The following TFPI variants were observed in gnomAD, a reference collection of about 807,000 sequenced individuals.
TFPI encodes tissue factor pathway inhibitor, also known as anti-convertin.
A neutral mutation model predicts 34.6 loss-of-function variants in TFPI; 15 were observed. The observed-to-expected ratio is 0.43, with a 90% CI of 0.29 to 0.67. TFPI has a LOEUF of 0.67. Ranked by LOEUF, TFPI falls within the 30% of genes least tolerant of loss-of-function variation. The probability of loss-of-function intolerance (pLI) is 0.15; values close to 1 mark genes in which losing one functional copy is unlikely to be tolerated. For synonymous variants in TFPI, 105 were observed against 120.1 expected, an observed-to-expected ratio of 0.87 and a Z score of 0.82; for missense variants, 301 against 364.0, an observed-to-expected ratio of 0.83 and a Z score of 1.41.
intron 1 of TFPI, among the ~76,000 whole-genome samples, chr2:187,522,261 CAT>C (rs376451772): frequency 8.9e-4 from 135 of 152,140 alleles, no homozygotes; most frequent in East Asian, 8.7e-3. Flanking sequence ...CTTTTGGTCT[CAT>C]ATTCAAAAAA....
chr2:187,501,594 G>A (rs750821438), intron 2 of TFPI, among the ~76,000 whole-genome samples: 18 of 151,880 alleles, frequency 1.2e-4, no homozygotes, highest in Non-Finnish European at 2.5e-4. Context: ...AAAAATCATA[G>A]GAAATTAGTT....
At chr2:187,469,674 T>G (rs8176583) in intron 6 of TFPI, among the ~76,000 whole-genome samples, 49,520 of 151,938 alleles carry the variant, frequency 0.33, 8,380 homozygotes, top group African/African-American at 0.4. Flanking sequence ...AACTGTCATC[T>G]TCATGTTGTA....
chr2:187,491,417 C>T (rs189636461), intron 3 of TFPI, among the ~76,000 whole-genome samples: 42 of 151,922 alleles, frequency 2.8e-4, no homozygotes, highest in Non-Finnish European at 5.3e-4. Context: ...ACTATTTACC[C>T]CCCACTTATA....
intron 1 of TFPI, among the ~76,000 whole-genome samples, chr2:187,511,770 T>C (rs1686652513): frequency 6.6e-6 from 1 of 151,492 alleles, no homozygotes; most frequent in Non-Finnish European, 1.5e-5. Flanking sequence ...CTCACAGTGG[T>C]TGAGAGAACA....
chr2:187,539,899 CTTT>C (rs527567767), intron 1 of TFPI, among the ~76,000 whole-genome samples: 9 of 137,874 alleles, frequency 6.5e-5, no homozygotes, highest in Admixed American at 2.9e-4. Flanking sequence ...ACGTCATCTT[CTTT>C]TTTTTTTTTT....
At chr2:187,541,300 CA>C (rs1688570715) in intron 1 of TFPI, among the ~76,000 whole-genome samples, 1 of 152,068 alleles carries the variant, frequency 6.6e-6, no homozygotes, top group African/African-American at 2.4e-5. Flanking sequence ...AAAGTAAATT[CA>C]AGAGACTTTT....
rs117725466 is a variant in TFPI at position 187,524,358 on chromosome 2, C to A, written c.-2-20588G>T. Among the ~76,000 whole-genome samples the A allele has an allele frequency of 4.4e-4, 67 of 152,112 alleles. 1 individual carries two copies. In the East Asian group the frequency reaches 0.013, roughly 28 times the overall value. ...TTTCCAAAGTAGCTGCACCATTTTC[C>A]TTTCATACCAGTAATGTCTTCCTTT... On this transcript the variant is annotated intron_variant, in intron 1 of 7. Coordinates refer to ENST00000233156, the MANE Select transcript of TFPI (RefSeq NM_006287.6).
intron 2 of TFPI, among the ~76,000 whole-genome samples, chr2:187,498,179 T>TA (rs760848390): frequency 2.4e-4 from 37 of 152,020 alleles, no homozygotes; most frequent in Admixed American, 5.2e-4. Flanking sequence ...GAATGAGACT[T>TA]TAATATTTTC....
At chr2:187,504,983 AT>A (rs754704853) in intron 1 of TFPI, among the ~76,000 whole-genome samples, 1 of 152,006 alleles carries the variant, frequency 6.6e-6, no homozygotes, top group Non-Finnish European at 1.5e-5. Context: ...CATACATTTG[AT>A]TTTTAGTCAG....
chr2:187,539,967 C>G (rs367737432), intron 1 of TFPI, among the ~76,000 whole-genome samples: 1 of 149,318 alleles, frequency 6.7e-6, no homozygotes, highest in Non-Finnish European at 1.5e-5. Context: ...GGCTCGATCT[C>G]GGCTCACTGC....
intron 6 of TFPI, among the ~76,000 whole-genome samples, chr2:187,475,350 A>G (rs1692309512): frequency 2.0e-5 from 3 of 152,052 alleles, no homozygotes; most frequent in East Asian, 3.8e-4. Context: ...TGTTATTTCA[A>G]AGAAACTTAG....
intron 3 of TFPI, among the ~76,000 whole-genome samples, chr2:187,493,387 C>T (rs1435555672): frequency 6.6e-6 from 1 of 152,140 alleles, no homozygotes; most frequent in East Asian, 1.9e-4. Context: ...GTCCAGGAAA[C>T]CACTTTTTCC....
intron 1 of TFPI, among the ~76,000 whole-genome samples, chr2:187,535,830 C>A (rs188007307): frequency 5.3e-5 from 8 of 151,918 alleles, no homozygotes; most frequent in Middle Eastern, 6.8e-3. Context: ...ATAGACAGAC[C>A]GTTAACCAGA....
At chr2:187,540,974 A>T (rs960947738) in intron 1 of TFPI, among the ~76,000 whole-genome samples, 2 of 152,046 alleles carry the variant, frequency 1.3e-5, no homozygotes, top group African/African-American at 4.8e-5. Flanking sequence ...GATAGGATTA[A>T]ATAATAACAG....
intron 1 of TFPI, among the ~76,000 whole-genome samples, chr2:187,522,891 AAAATAAATAAATAAATAAATAAATAAAT>A (rs138871269): frequency 7.0e-6 from 1 of 142,546 alleles, no homozygotes; most frequent in Non-Finnish European, 1.5e-5. Flanking sequence ...ACTGTGTCTC[AAAATAAATAAATAAATAAATAAATAAAT>A]AAATAAATAA....
At position 187,544,294 on chromosome 2, in the gene TFPI, T is replaced by C. The variant is rs1688734054; in HGVS notation, c.-3+9906A>G. On this transcript the variant is annotated intron_variant, in intron 1 of 7. Transcript: ENST00000233156. ...TGACATTAAAGCAATGCTTAATTTTTTACCATAAGAGTGAAATTTTGGGAT... is the reference window on the plus strand; with the variant it reads ...TGACATTAAAGCAATGCTTAATTTTCTACCATAAGAGTGAAATTTTGGGAT... 2.0e-5 allele frequency among the ~76,000 whole-genome samples: 3 copies of C among 152,318 alleles called. No individual in the cohort carries two copies. In the South Asian group the frequency reaches 6.2e-4, roughly 32 times the overall value.
chr2:187,527,588 G>A (rs777589675), intron 1 of TFPI, among the ~76,000 whole-genome samples: 5 of 152,010 alleles, frequency 3.3e-5, no homozygotes, highest in Non-Finnish European at 7.4e-5. Context: ...TTGGGATGTC[G>A]AGTCATCACT....
chr2:187,521,099 C>G (rs902685664), intron 1 of TFPI, among the ~76,000 whole-genome samples: 6 of 152,026 alleles, frequency 3.9e-5, no homozygotes, highest in Admixed American at 3.3e-4. Flanking sequence ...TAGGCATGCT[C>G]ATTGTTATTG....
intron 1 of TFPI, among the ~76,000 whole-genome samples, chr2:187,553,622 C>T (rs923777914): frequency 5.3e-5 from 8 of 152,008 alleles, no homozygotes; most frequent in African/African-American, 1.4e-4. Flanking sequence ...TAAGTATTCT[C>T]GTTTAAGTAT....
Sources: allele counts gnomAD v4.1 joint callset (sites outside exome capture counted in the v4.1 genomes callset), GRCh38; gene constraint gnomAD v4.1.1; transcripts MANE v1.5; gene names NCBI Gene and HGNC (gene_info 2026-07-23, HGNC 2026-07-21).